CLASP2: variants seen among roughly 807,000 people sequenced by gnomAD.
CLASP2 encodes CLIP-associating protein 2.
A neutral mutation model predicts 194.4 loss-of-function variants in CLASP2; 47 were observed. The ratio of observed to expected loss-of-function variants is 0.24; its 90% CI spans 0.19 to 0.31. CLASP2 has a LOEUF of 0.31. Among genes scored for constraint, CLASP2 ranks in the 10% least tolerant of loss-of-function variants. The pLI is 1.00. For missense variants in CLASP2, 1,445 were observed against 1,823.6 expected (o/e 0.79, Z 3.78); for synonymous variants, 619 against 633.5 (o/e 0.98, Z 0.34).
At chr3:33,669,412 A>C (rs553949098) in intron 6 of CLASP2, among the ~76,000 whole-genome samples, 2 of 152,324 alleles carry the variant, frequency 1.3e-5, no homozygotes, top group East Asian at 3.9e-4. Context: ...AAAATGACTA[A>C]GAACTACATT....
chr3:33,696,289 A>G (rs567443300), intron 2 of CLASP2, among the ~76,000 whole-genome samples: 16 of 149,510 alleles, frequency 1.1e-4, no homozygotes, highest in African/African-American at 3.7e-4. Flanking sequence ...ACTGTAAGTT[A>G]TATTACAAAT....
chr3:33,717,365 G>A (rs1228010834), intron 1 of CLASP2, among the ~76,000 whole-genome samples: 2 of 152,096 alleles, frequency 1.3e-5, no homozygotes, highest in East Asian at 1.9e-4. Flanking sequence ...TCCTCGGCTC[G>A]CGTACGAAGA....
intron 8 of CLASP2, among the ~76,000 whole-genome samples, chr3:33,642,268 T>C (rs2081451026): frequency 6.6e-6 from 1 of 151,808 alleles, no homozygotes; most frequent in Non-Finnish European, 1.5e-5. Flanking sequence ...GCTGACACGG[T>C]TTATAGAAGG....
At chr3:33,536,769 T>C (rs2057416752) in intron 33 of CLASP2, among the ~76,000 whole-genome samples, 1 of 152,130 alleles carries the variant, frequency 6.6e-6, no homozygotes, top group African/African-American at 2.4e-5. Flanking sequence ...GTGGTGAGAA[T>C]AGGCTGAATT....
intron 7 of CLASP2, among the ~76,000 whole-genome samples, chr3:33,656,894 G>A (rs1436977350): frequency 1.3e-5 from 2 of 152,008 alleles, no homozygotes; most frequent in African/African-American, 2.4e-5. Context: ...TATCATTTAC[G>A]TAAACACAGT....
intron 6 of CLASP2, among the ~76,000 whole-genome samples, chr3:33,666,805 C>A (rs767857487): frequency 2.6e-5 from 4 of 152,166 alleles, no homozygotes; most frequent in Admixed American, 1.3e-4. Flanking sequence ...AGTTGCTGCA[C>A]CATTTTACAT....
chr3:33,676,483 G>T (rs1489669481), intron 6 of CLASP2, among the ~76,000 whole-genome samples: 1 of 150,642 alleles, frequency 6.6e-6, no homozygotes, highest in African/African-American at 2.4e-5. Flanking sequence ...ACGGTGCTGG[G>T]AAAACTGGCT....
intron 7 of CLASP2, among the ~76,000 whole-genome samples, chr3:33,650,415 C>T (rs2082981463): frequency 6.6e-6 from 1 of 152,104 alleles, no homozygotes; most frequent in African/African-American, 2.4e-5. Flanking sequence ...TGTTCTTGCT[C>T]CAAAGTTTCG....
rs532105506 is a variant in CLASP2, at chr3:33,616,654, A to G, written c.1317+2949T>C. Among the ~76,000 whole-genome samples the G allele has an allele frequency of 4.6e-5, 7 of 152,118 alleles. No individual in the cohort carries two copies. In the East Asian group the frequency reaches 1.3e-3, roughly 29 times the overall value. ...CTATATCCATAGAAACACATTAAAA[A>G]TCATATTTAATTAACGTTAAATATG... On this transcript the variant is annotated intron_variant, in intron 12 of 38. Coordinates refer to ENST00000682230, the MANE Select transcript of CLASP2 (RefSeq NM_001365631.1).
chr3:33,557,365 T>C (rs1156959173), intron 29 of CLASP2, among the ~76,000 whole-genome samples: 2 of 151,266 alleles, frequency 1.3e-5, no homozygotes, highest in African/African-American at 4.9e-5. Flanking sequence ...CTTTCTTTCC[T>C]TTCTCTTTCA....
intron 3 of CLASP2, among the ~76,000 whole-genome samples, chr3:33,689,194 TA>T (rs1377666584): frequency 6.6e-6 from 1 of 151,840 alleles, no homozygotes; most frequent in African/African-American, 2.4e-5. Context: ...AAAAAAATCT[TA>T]AATGTGAGTA....
intron 34 of CLASP2, 122 bp downstream of exon 34, chr3:33,535,111 C>T (rs1407046061): frequency 1.5e-6 from 1 of 674,652 alleles, no homozygotes. Flanking sequence ...TGGGAGAAAA[C>T]ATTCTTATTC....
At position 33,516,598 on chromosome 3, in the gene CLASP2, T is replaced by G. The variant is rs186731690; in HGVS notation, c.3981+383A>C. Among the ~76,000 whole-genome samples the G allele has an allele frequency of 2.6e-5, 4 of 152,146 alleles. No individual in the cohort carries two copies. In the East Asian group the frequency reaches 5.8e-4, roughly 22 times the overall value. ...AGGAGAATCACTGGAGCCTGGGAGA[T>G]GGAGGTTGCAGTGAGCTGAGATCAC... On this transcript the variant is annotated intron_variant, in intron 35 of 38. Transcript: ENST00000682230.
At chr3:33,542,600 A>G (rs1357297995) in intron 32 of CLASP2, among the ~76,000 whole-genome samples, 1 of 150,288 alleles carries the variant, frequency 6.7e-6, no homozygotes, top group Non-Finnish European at 1.5e-5. Context: ...ACCTAATGTC[A>G]TATTTATGAT....
At chr3:33,595,398 C>G (rs948629877) in intron 19 of CLASP2, among the ~76,000 whole-genome samples, 1 of 152,016 alleles carries the variant, frequency 6.6e-6, no homozygotes, top group Non-Finnish European at 1.5e-5. Flanking sequence ...AAAAAGCTAA[C>G]TGACAAACAT....
At chr3:33,522,195 T>C (rs530568178) in intron 34 of CLASP2, among the ~76,000 whole-genome samples, 1 of 152,230 alleles carries the variant, frequency 6.6e-6, no homozygotes, top group Admixed American at 6.5e-5. Flanking sequence ...TGCCCCTCCT[T>C]TTTCATTTTT....
chr3:33,498,491 C>T lies in CLASP2; in HGVS notation c.*140G>A. 1 of 541,884 alleles carries T rather than the reference C, an allele frequency of 1.8e-6. No homozygotes were observed. 33.6% of individuals were successfully genotyped at this position (541,884 alleles called of 1,614,324 possible). ...GGATAGTCCTCTGTTACAGAAAATA[C>T]AAAACGAAACGAAACAAAAAACTAA... On this transcript the variant is annotated 3_prime_UTR_variant, in exon 39 of 39. Coordinates refer to ENST00000682230, the MANE Select transcript of CLASP2 (RefSeq NM_001365631.1).
In CLASP2 at chr3:33,576,160, G is replaced by C; in HGVS notation, c.2454+9C>G. 6.2e-7 allele frequency: 1 copy of C among 1,603,166 alleles called. No individual in the cohort carries two copies. Among genetic ancestry groups the C allele is most frequent in the Non-Finnish European group, 8.5e-7 (1 of 1,170,306 alleles). On this transcript the variant is annotated intron_variant, in intron 24 of 38. Coordinates refer to ENST00000682230, the MANE Select transcript of CLASP2 (RefSeq NM_001365631.1). ...ACATTTATAATGATAAGAAAATGGAGAAGAGTACCAAGGCATCTGCCACCG... is the reference window on the plus strand; with the variant it reads ...ACATTTATAATGATAAGAAAATGGACAAGAGTACCAAGGCATCTGCCACCG...
At position 33,610,679 on chromosome 3, in the gene CLASP2, C is replaced by T. The variant is rs148296985; in HGVS notation, c.1388+1322G>A. On this transcript the variant is annotated intron_variant, in intron 13 of 38. Transcript: ENST00000682230. ...CAGTCTCTGTCTCATATTCTTCACC[C>T]CCATCCCCTACCTTTTAAATCACCC... 5.3e-5 allele frequency among the ~76,000 whole-genome samples: 8 copies of T among 152,250 alleles called. No individual in the cohort carries two copies. In the East Asian group the frequency reaches 1.2e-3, roughly 22 times the overall value.
Sources: gnomAD v4.1 joint callset for allele counts (sites outside exome capture counted in the v4.1 genomes callset) on GRCh38, gnomAD v4.1.1 for gene constraint, MANE v1.5 for transcripts, NCBI Gene and HGNC (gene_info 2026-07-23, HGNC 2026-07-21) for gene names.